CNTNAP5: variants seen among roughly 807,000 people sequenced by gnomAD.
The protein encoded by CNTNAP5 is contactin associated protein family member 5, also known as contactin-associated protein-like 5.
Under a neutral mutation model 150.2 loss-of-function variants are expected in CNTNAP5, and 72 were observed. That is an observed-to-expected ratio of 0.48 (90% CI 0.40 to 0.58). CNTNAP5 has a LOEUF of 0.58. Ranked by LOEUF, CNTNAP5 falls within the 20% of genes least tolerant of loss-of-function variation. The pLI is 0.00. For missense variants in CNTNAP5, 1,636 were observed against 1,626.2 expected (o/e 1.01, Z -0.10); for synonymous variants, 672 against 619.8 (o/e 1.08, Z -1.25).
At chr2:124,867,431 A>C (rs1270297385) in intron 20 of CNTNAP5, among the ~76,000 whole-genome samples, 1 of 152,096 alleles carries the variant, frequency 6.6e-6, no homozygotes, top group Non-Finnish European at 1.5e-5. Flanking sequence ...TGTACTTCTC[A>C]AGGCATCATT....
chr2:124,810,199 C>G (rs924934241), intron 19 of CNTNAP5, among the ~76,000 whole-genome samples: 37 of 152,174 alleles, frequency 2.4e-4, no homozygotes, highest in Non-Finnish European at 1.0e-4. Context: ...CTTAACGCAA[C>G]ACACATTTAT....
chr2:124,311,125 C>T (rs1413362045), intron 3 of CNTNAP5, among the ~76,000 whole-genome samples: 3 of 152,174 alleles, frequency 2.0e-5, no homozygotes, highest in Non-Finnish European at 4.4e-5. Flanking sequence ...AGCTTCTTTG[C>T]TTCATTTTTT....
intron 19 of CNTNAP5, among the ~76,000 whole-genome samples, chr2:124,858,660 T>C (rs1187470078): frequency 3.9e-5 from 6 of 152,168 alleles, no homozygotes. Flanking sequence ...TAAGTTAGTA[T>C]TTGCAAGCCT....
chr2:124,550,916 G>A (rs1204396633), intron 10 of CNTNAP5, among the ~76,000 whole-genome samples: 2 of 152,066 alleles, frequency 1.3e-5, no homozygotes, highest in African/African-American at 2.4e-5. Context: ...GGCTCAGGTG[G>A]TTTGTCATAC....
At chr2:124,828,734 GCAAAA>G (rs1290526424) in intron 19 of CNTNAP5, among the ~76,000 whole-genome samples, 1 of 27,500 alleles carries the variant, frequency 3.6e-5, no homozygotes, top group African/African-American at 1.4e-4. Flanking sequence ...GCAAGTGTTG[GCAAAA>G]AAAAAAAAAA....
intron 21 of CNTNAP5, among the ~76,000 whole-genome samples, chr2:124,872,915 A>T (rs974017597): frequency 6.6e-6 from 1 of 152,146 alleles, no homozygotes; most frequent in Non-Finnish European, 1.5e-5. Flanking sequence ...ACAGCAAGGT[A>T]CTACAGACAA....
Position 124,899,378 on chromosome 2 carries a change from T to C in CNTNAP5, c.3437-3504T>C, listed in dbSNP as rs539299848. ...AGACCTAATTTCCAACCTGTACCTA[T>C]CAGCAGCTCGTGCTGTTTTTACATC... On this transcript the variant is annotated intron_variant, in intron 21 of 23. Transcript: ENST00000682447. Among the ~76,000 whole-genome samples, 4 of 151,598 alleles carry C rather than the reference T, an allele frequency of 2.6e-5. No homozygotes were observed. The South Asian group carries it at 6.2e-4, about 24-fold the overall frequency.
At chr2:124,591,809 C>A (rs1696689882) in intron 11 of CNTNAP5, among the ~76,000 whole-genome samples, 1 of 152,112 alleles carries the variant, frequency 6.6e-6, no homozygotes, top group Admixed American at 6.6e-5. Flanking sequence ...CAATGTAAAA[C>A]CAACAAAATA....
intron 3 of CNTNAP5, among the ~76,000 whole-genome samples, chr2:124,362,304 C>A (rs1690233653): frequency 6.6e-6 from 1 of 152,200 alleles, no homozygotes; most frequent in African/African-American, 2.4e-5. Context: ...TAGACCGGAG[C>A]TATTCCTATT....
chr2:124,866,434 T>C (rs1677634325), intron 20 of CNTNAP5, among the ~76,000 whole-genome samples: 1 of 152,086 alleles, frequency 6.6e-6, no homozygotes, highest in Non-Finnish European at 1.5e-5. Context: ...GAAATCATAA[T>C]AGGCTGTGGG....
chr2:124,589,463 A>G (rs966269940), intron 11 of CNTNAP5, among the ~76,000 whole-genome samples: 1 of 152,168 alleles, frequency 6.6e-6, no homozygotes, highest in Admixed American at 6.5e-5. Context: ...CTTTTTGACT[A>G]TTATGAATAA....
At chr2:124,317,345 G>T (rs557543062) in intron 3 of CNTNAP5, among the ~76,000 whole-genome samples, 6 of 152,246 alleles carry the variant, frequency 3.9e-5, no homozygotes, top group Non-Finnish European at 2.9e-5. Context: ...ACTAAAGCAT[G>T]CAAAGTTTAA....
chr2:124,564,111 A>G (rs1695954083), intron 11 of CNTNAP5, among the ~76,000 whole-genome samples: 2 of 152,230 alleles, frequency 1.3e-5, no homozygotes, highest in South Asian at 4.1e-4. Context: ...GGAAACAAAA[A>G]CAAGAAAGAA....
chr2:124,841,339 A>T (rs1454821717), intron 19 of CNTNAP5, among the ~76,000 whole-genome samples: 3 of 151,708 alleles, frequency 2.0e-5, no homozygotes, highest in African/African-American at 7.3e-5. Flanking sequence ...TTCCAAGCTT[A>T]CACGCCCACC....
chr2:124,399,196 A>T (rs1469242993), intron 3 of CNTNAP5, among the ~76,000 whole-genome samples: 1 of 152,160 alleles, frequency 6.6e-6, no homozygotes, highest in African/African-American at 2.4e-5. Context: ...CAACAGAAAA[A>T]GTTGAAAGTC....
chr2:124,664,325 G>GGA (rs1204961286), intron 13 of CNTNAP5, among the ~76,000 whole-genome samples: 1 of 106,188 alleles, frequency 9.4e-6, no homozygotes, highest in African/African-American at 3.5e-5. Context: ...CCTGTCTCAA[G>GGA]AAAAAAAAAA....
intron 1 of CNTNAP5, among the ~76,000 whole-genome samples, chr2:124,121,251 T>A (rs1683554055): frequency 6.6e-6 from 1 of 152,168 alleles, no homozygotes; most frequent in African/African-American, 2.4e-5. Context: ...CTACCTCCTC[T>A]AAGTGTCTTA....
chr2:124,781,255 G>A (rs73955812), intron 17 of CNTNAP5, among the ~76,000 whole-genome samples: 4,752 of 152,258 alleles, frequency 0.031, 246 homozygotes, highest in African/African-American at 0.11. Context: ...TCAGGGAAGA[G>A]GTGAGCTGGA....
At chr2:124,905,199 G>A (rs766422800) in intron 22 of CNTNAP5, among the ~76,000 whole-genome samples, 20 of 146,748 alleles carry the variant, frequency 1.4e-4, no homozygotes, top group African/African-American at 4.5e-4. Flanking sequence ...ATCACTGATC[G>A]TCAGGGAAAT....
Sources: gnomAD v4.1 joint callset for allele counts (sites outside exome capture counted in the v4.1 genomes callset) on GRCh38, gnomAD v4.1.1 for gene constraint, MANE v1.5 for transcripts, NCBI Gene and HGNC (gene_info 2026-07-23, HGNC 2026-07-21) for gene names.